The following LAYN variants were observed in gnomAD, a reference collection of about 807,000 sequenced individuals.
LAYN encodes layilin.
A neutral mutation model predicts 43.6 loss-of-function variants in LAYN; 38 were observed. That is an observed-to-expected ratio of 0.87 (90% CI 0.67 to 1.14). LAYN has a LOEUF of 1.14. Among genes scored for constraint, LAYN ranks in the 50% most tolerant of loss-of-function variants. LAYN has a pLI of 0.00. For synonymous variants in LAYN, 168 were observed against 172.9 expected (o/e 0.97, Z 0.22); for missense variants, 479 against 463.8 (o/e 1.03, Z -0.30).
At chr11:111,544,438 A>C (rs1317921840) in intron 2 of LAYN, among the ~76,000 whole-genome samples, 1 of 152,238 alleles carries the variant, frequency 6.6e-6, no homozygotes, top group African/African-American at 2.4e-5. Flanking sequence ...TGTTCAGGTG[A>C]GTGCAGCCCA....
intron 1 of LAYN, among the ~76,000 whole-genome samples, chr11:111,542,267 C>T (rs1867560778): frequency 6.6e-6 from 1 of 152,210 alleles, no homozygotes. Flanking sequence ...TTCTTGCAAG[C>T]AGGTCTGGCT....
rs559185708 is a variant in LAYN at position 111,556,763 on chromosome 11, G to C, written c.659-778G>C. On this transcript the variant is annotated intron_variant, in intron 5 of 6. Transcript: ENST00000375614. ...CAATCTCACAGAAGAAAAGCCAACA[G>C]CCTCTGGATAGTCAGGAAGCTTGGG... Among the ~76,000 whole-genome samples, 6 of 152,298 alleles carry C rather than the reference G, an allele frequency of 3.9e-5. No individual in the cohort carries two copies. The East Asian group carries it at 1.2e-3, about 29-fold the overall frequency.
Position 111,553,880 on chromosome 11 carries a change from G to A in LAYN, c.542-681G>A, listed in dbSNP as rs550571412. Reference sequence around the variant, plus strand: ...AAAGACCCTGTCCCTACGAACACCAGAGCATCTGATTGGCATAAGAGACTC... The same window carrying A: ...AAAGACCCTGTCCCTACGAACACCAAAGCATCTGATTGGCATAAGAGACTC... On this transcript the variant is annotated intron_variant, in intron 3 of 6. Coordinates refer to ENST00000375614, the MANE Select transcript of LAYN (RefSeq NM_178834.5). Among the ~76,000 whole-genome samples, 4 of 152,186 alleles carry A rather than the reference G, an allele frequency of 2.6e-5. No individual in the cohort carries two copies. In the East Asian group the frequency reaches 5.8e-4, roughly 22 times the overall value.
chr11:111,541,526 ACT>A (rs1488579246), intron 1 of LAYN: 6 of 1,534,058 alleles, frequency 3.9e-6, no homozygotes, highest in Admixed American at 2.0e-5. Context: ...CCGGGGAATG[ACT>A]CTCTGCTTCC....
chr11:111,544,350 C>T, intron 2 of LAYN, 130 bp downstream of exon 2: 1 of 891,310 alleles, frequency 1.1e-6, no homozygotes, highest in Non-Finnish European at 1.7e-6. Flanking sequence ...GAAAGTAGCA[C>T]CAGAATAGCT....
intron 1 of LAYN, 55 bp downstream of exon 1, chr11:111,540,983 A>G (rs982586776): frequency 6.8e-7 from 1 of 1,466,532 alleles, no homozygotes; most frequent in Admixed American, 2.0e-5. Flanking sequence ...ACTGCACCCC[A>G]GCTGCTGCTG....
chr11:111,556,429 C>T (rs1867844267), intron 5 of LAYN, among the ~76,000 whole-genome samples: 1 of 152,204 alleles, frequency 6.6e-6, no homozygotes, highest in African/African-American at 2.4e-5. Context: ...CCAACCCTAT[C>T]ATCACATGGT....
At chr11:111,541,989 A>G (rs1396166824) in intron 1 of LAYN, among the ~76,000 whole-genome samples, 1 of 152,164 alleles carries the variant, frequency 6.6e-6, no homozygotes, top group Non-Finnish European at 1.5e-5. Flanking sequence ...ACTCACCCGC[A>G]GACTTCGGAT....
Position 111,560,498 on chromosome 11 carries a change from A to G in LAYN, c.*40A>G. 6.4e-7 allele frequency: 1 copy of G among 1,565,660 alleles called. No homozygotes were observed. The highest frequency in any genetic ancestry group is 8.7e-7 in the Non-Finnish European group (1 of 1,155,112). On this transcript the variant is annotated 3_prime_UTR_variant, in exon 7 of 7. Coordinates refer to ENST00000375614, the MANE Select transcript of LAYN (RefSeq NM_178834.5). ...TGAAACTGACAACAATGGAAAAGAAATGATAAGCAAAATCCTCTTATTTTC... is the reference window on the plus strand; with the variant it reads ...TGAAACTGACAACAATGGAAAAGAAGTGATAAGCAAAATCCTCTTATTTTC...
chr11:111,554,727 A>G (rs1304664933), intron 4 of LAYN, 134 bp downstream of exon 4: 8 of 728,530 alleles, frequency 1.1e-5, no homozygotes, highest in Non-Finnish European at 1.6e-5. Context: ...CATTTGGGAC[A>G]GGTATACACC....
intron 3 of LAYN, among the ~76,000 whole-genome samples, chr11:111,551,628 T>C (rs1867745224): frequency 1.3e-5 from 2 of 152,170 alleles, no homozygotes; most frequent in South Asian, 4.1e-4. Context: ...AAATGGAATT[T>C]CCCAAGAGCT....
At chr11:111,549,820 T>G (rs778327708) in intron 3 of LAYN, 45 bp downstream of exon 3, 10 of 1,559,240 alleles carry the variant, frequency 6.4e-6, no homozygotes, top group Non-Finnish European at 8.6e-6. Context: ...TCTCAACTTC[T>G]CTCATTTCAT....
In LAYN at chr11:111,559,522, C is replaced by T. The variant is rs115089273; in HGVS notation, c.762-573C>T. Among the ~76,000 whole-genome samples, 1,251 of 151,844 alleles carry T rather than the reference C, an allele frequency of 8.2e-3. 17 individuals carry two copies. Among genetic ancestry groups the T allele is most frequent in the African/African-American group, 0.028 (1,172 of 41,390 alleles). On this transcript the variant is annotated intron_variant, in intron 6 of 6. Transcript: ENST00000375614. ...CTCTGTCGCCCAAGCTGGAGTGCAG[C>T]GGTACCATCACAGCTCACTGCGGCC... is the stretch of plus-strand genomic sequence containing the variant.
chr11:111,545,641 C>T (rs1867637596), intron 2 of LAYN, among the ~76,000 whole-genome samples: 1 of 152,146 alleles, frequency 6.6e-6, no homozygotes, highest in Non-Finnish European at 1.5e-5. Flanking sequence ...GATAACTCAT[C>T]GTTTAGTAAG....
In LAYN at chr11:111,550,924, C is replaced by T. The variant is rs563099574; in HGVS notation, c.541+1149C>T. ...CCTTTTATTTTGGACTTGGCACCTT[C>T]TTAGAAAAAATCATATTCTTCATTA... On this transcript the variant is annotated intron_variant, in intron 3 of 6. Coordinates refer to ENST00000375614, the MANE Select transcript of LAYN (RefSeq NM_178834.5). Among the ~76,000 whole-genome samples the T allele has an allele frequency of 6.6e-5, 10 of 152,272 alleles. No homozygotes were observed. In the South Asian group the frequency reaches 2.1e-3, roughly 32 times the overall value.
At chr11:111,540,681 G>A, upstream of LAYN, 1 of 615,794 alleles carries the variant, frequency 1.6e-6, no homozygotes, top group South Asian at 2.3e-5. Flanking sequence ...GGGGGCGGAG[G>A]GGCGACCGAC....
intron 2 of LAYN, among the ~76,000 whole-genome samples, chr11:111,549,276 GACAA>G (rs1247567790): frequency 2.0e-5 from 3 of 152,174 alleles, no homozygotes; most frequent in Non-Finnish European, 4.4e-5. Context: ...TCTAAAAAAA[GACAA>G]ACAAACCCAA....
At chr11:111,559,416 G>T (rs1365315780) in intron 6 of LAYN, among the ~76,000 whole-genome samples, 1 of 151,636 alleles carries the variant, frequency 6.6e-6, no homozygotes, top group Non-Finnish European at 1.5e-5. Flanking sequence ...TGGATGAGTC[G>T]TGTTTTTTGT....
At chr11:111,542,740 C>T (rs4938784) in intron 1 of LAYN, among the ~76,000 whole-genome samples, 42,406 of 152,148 alleles carry the variant, frequency 0.28, 6,252 homozygotes, top group Middle Eastern at 0.41. Flanking sequence ...CGTGTTGATA[C>T]GTGGTTTTCA....
Sources: allele counts gnomAD v4.1 joint callset (sites outside exome capture counted in the v4.1 genomes callset), GRCh38; gene constraint gnomAD v4.1.1; transcripts MANE v1.5; gene names NCBI Gene and HGNC (gene_info 2026-07-23, HGNC 2026-07-21).